The following MAGI1 variants were observed in gnomAD, a reference collection of about 807,000 sequenced individuals.
MAGI1 encodes membrane-associated guanylate kinase, WW and PDZ domain-containing protein 1.
A neutral mutation model predicts 139.9 loss-of-function variants in MAGI1; 58 were observed. That is an observed-to-expected ratio of 0.41 (90% CI 0.34 to 0.52). MAGI1 has a LOEUF of 0.52. Among genes scored for constraint, MAGI1 ranks in the 20% least tolerant of loss-of-function variants. The pLI, the probability that MAGI1 is intolerant of heterozygous loss-of-function variation, is 0.12. For missense variants in MAGI1, 1,874 were observed against 1,901.6 expected (o/e 0.99, Z 0.27); for synonymous variants, 812 against 737.9 (o/e 1.10, Z -1.63).
intron 1 of MAGI1, among the ~76,000 whole-genome samples, chr3:65,961,919 C>A (rs2064446767): frequency 6.6e-6 from 1 of 152,100 alleles, no homozygotes; most frequent in African/African-American, 2.4e-5. Flanking sequence ...TTGGTTAGAG[C>A]TAAGAGTCTG....
chr3:65,548,511 C>CTTTTTTTTTTTTTTTTTTTTTT (rs1170215972), intron 2 of MAGI1, among the ~76,000 whole-genome samples: 9 of 87,386 alleles, frequency 1.0e-4, no homozygotes, highest in African/African-American at 1.9e-4. Flanking sequence ...AAACAACACT[C>CTTTTTTTTTTTTTTTTTTTTTT]TTTTTTTTTT....
At chr3:65,397,054 G>A (rs1031718102) in intron 13 of MAGI1, among the ~76,000 whole-genome samples, 11 of 152,242 alleles carry the variant, frequency 7.2e-5, no homozygotes, top group African/African-American at 2.4e-4. Flanking sequence ...GCCACGGGAA[G>A]TGAGAGGCAA....
chr3:65,724,583 G>A (rs1234932239), intron 1 of MAGI1, among the ~76,000 whole-genome samples: 3 of 152,146 alleles, frequency 2.0e-5, no homozygotes, highest in Non-Finnish European at 4.4e-5. Flanking sequence ...CATACTAGGT[G>A]CTCAACATTT....
At chr3:65,541,620 G>A (rs374193242) in intron 2 of MAGI1, among the ~76,000 whole-genome samples, 7 of 152,090 alleles carry the variant, frequency 4.6e-5, no homozygotes, top group African/African-American at 1.2e-4. Flanking sequence ...TTCAACGTAC[G>A]CAAATCAATA....
chr3:65,881,145 C>T (rs1352791643), intron 1 of MAGI1, among the ~76,000 whole-genome samples: 1 of 152,124 alleles, frequency 6.6e-6, no homozygotes, highest in East Asian at 1.9e-4. Flanking sequence ...CTCAGCCTCC[C>T]AAAGTGCTGG....
At chr3:65,659,608 T>C (rs1272110592) in intron 1 of MAGI1, among the ~76,000 whole-genome samples, 1 of 152,156 alleles carries the variant, frequency 6.6e-6, no homozygotes, top group African/African-American at 2.4e-5. Context: ...CCCATAAAGA[T>C]GGAAACCGCA....
intron 1 of MAGI1, among the ~76,000 whole-genome samples, chr3:65,765,037 G>T (rs911572299): frequency 6.6e-6 from 1 of 152,160 alleles, no homozygotes; most frequent in African/African-American, 2.4e-5. Context: ...TAACAGTGAG[G>T]CTGATTTTCA....
In MAGI1 at chr3:65,437,231, G is replaced by A; in HGVS notation, c.1287C>T (p.His429=). The change falls in exon 10 of 23, where the codon CAC becomes CAT. Residue 429 remains histidine, a synonymous_variant. Coordinates refer to ENST00000402939, the MANE Select transcript of MAGI1 (RefSeq NM_001033057.2). The stretch of plus-strand genomic sequence containing the variant: ...GAATAACAGGAGGCACAAGGGCTGA[G>A]TGATCTTCTGTCCATTCTATGAAAA... ...QQQTEEWTED[H]SALVPPVIPN... The A allele has an allele frequency of 6.2e-7, 1 of 1,608,490 alleles. No individual in the cohort carries two copies. The highest frequency in any genetic ancestry group is 8.5e-7 in the Non-Finnish European group (1 of 1,175,272).
intron 1 of MAGI1, among the ~76,000 whole-genome samples, chr3:66,029,777 G>A (rs966980903): frequency 6.6e-6 from 1 of 152,126 alleles, no homozygotes; most frequent in Non-Finnish European, 1.5e-5. Context: ...ATTCATGTTG[G>A]TGGGGAGCAC....
chr3:65,728,514 G>A (rs1200217733), intron 1 of MAGI1, among the ~76,000 whole-genome samples: 1 of 152,130 alleles, frequency 6.6e-6, no homozygotes, highest in African/African-American at 2.4e-5. Context: ...AAGATGAAGA[G>A]AAGTAATTCA....
chr3:65,705,362 CAG>C (rs770694832), intron 1 of MAGI1, among the ~76,000 whole-genome samples: 52 of 152,238 alleles, frequency 3.4e-4, no homozygotes, highest in Non-Finnish European at 4.6e-4. Context: ...TAATTAAATA[CAG>C]AGTATCTTAG....
At chr3:65,988,707 A>G (rs2066010613) in intron 1 of MAGI1, among the ~76,000 whole-genome samples, 1 of 152,232 alleles carries the variant, frequency 6.6e-6, no homozygotes, top group African/African-American at 2.4e-5. Flanking sequence ...GAGGACAATC[A>G]ACAGTCCAAG....
intron 1 of MAGI1, among the ~76,000 whole-genome samples, chr3:65,897,114 T>C: frequency 6.6e-6 from 1 of 152,328 alleles, no homozygotes. Context: ...TAAATAGTTG[T>C]TATACTGTTT....
chr3:65,576,411 C>T (rs962191415), intron 2 of MAGI1, among the ~76,000 whole-genome samples: 3 of 152,124 alleles, frequency 2.0e-5, no homozygotes, highest in African/African-American at 4.8e-5. Context: ...AATCAATCCC[C>T]GCACTCTTCC....
intron 1 of MAGI1, among the ~76,000 whole-genome samples, chr3:65,644,503 G>A (rs2085153941): frequency 6.6e-6 from 1 of 151,544 alleles, no homozygotes; most frequent in South Asian, 2.1e-4. Context: ...TGAGGCTACA[G>A]TAAGCAGTGA....
intron 1 of MAGI1, among the ~76,000 whole-genome samples, chr3:65,941,199 T>C (rs1054159132): frequency 6.6e-6 from 1 of 151,870 alleles, no homozygotes; most frequent in Non-Finnish European, 1.5e-5. Context: ...CTACAAAAAT[T>C]AGCTGAGCAT....
In MAGI1 at chr3:65,356,940, G is replaced by C; in HGVS notation, c.3827C>G (p.Pro1276Arg). 6.2e-7 allele frequency: 1 copy of C among 1,614,182 alleles called. No homozygotes were observed. Among genetic ancestry groups the C allele is most frequent in the Non-Finnish European group, 8.5e-7 (1 of 1,180,022 alleles). ...CCCATTCCAGGTGTGGTGTTCATTG[G>C]GTTGTCTGCTATACTCTCTGCTGCC... ...PKGSREYSRQ[P>R]NEHHTWNGTS... is the part of the protein sequence containing the mutation. Residue 1276 changes from proline to arginine, a missense_variant, in exon 23 of 23, where the codon CCC (proline) becomes CGC (arginine). Physicochemically the swap from Pro to Arg is moderately radical, Grantham distance 103 (BLOSUM62 -2). Coordinates refer to ENST00000402939, the MANE Select transcript of MAGI1 (RefSeq NM_001033057.2).
intron 1 of MAGI1, among the ~76,000 whole-genome samples, chr3:65,672,878 T>C (rs988964089): frequency 2.6e-5 from 4 of 152,224 alleles, no homozygotes; most frequent in African/African-American, 9.6e-5. Context: ...TTTATGAGTA[T>C]AAAATTATAG....
intron 1 of MAGI1, among the ~76,000 whole-genome samples, chr3:65,936,673 G>C (rs2106790883): frequency 6.6e-6 from 1 of 152,086 alleles, no homozygotes; most frequent in East Asian, 1.9e-4. Flanking sequence ...GTTAGTTATA[G>C]AAGAGGGCAA....
Sources: allele counts gnomAD v4.1 joint callset (sites outside exome capture counted in the v4.1 genomes callset), GRCh38; gene constraint gnomAD v4.1.1; transcripts MANE v1.5; gene names NCBI Gene and HGNC (gene_info 2026-07-23, HGNC 2026-07-21).